NEURL1: variants seen among roughly 807,000 people sequenced by gnomAD.
The protein encoded by NEURL1 is neuralized E3 ubiquitin protein ligase 1.
In NEURL1, 26 loss-of-function variants were observed where a neutral mutation model predicts 41.2. That is an observed-to-expected ratio of 0.63 (90% CI 0.46 to 0.87). The LOEUF is 0.87. NEURL1 is among the 40% of genes least tolerant of loss of function. NEURL1 has a pLI of 0.00. For missense variants in NEURL1, 761 were observed against 871.1 expected (o/e 0.87, Z 1.59); for synonymous variants, 400 against 402.3 (o/e 0.99, Z 0.07).
At chr10:103,523,625 G>T (rs919328506) in intron 1 of NEURL1, among the ~76,000 whole-genome samples, 2 of 151,958 alleles carry the variant, frequency 1.3e-5, no homozygotes, top group African/African-American at 4.8e-5. Flanking sequence ...CCCTGCCTCT[G>T]GTTACTATTC....
chr10:103,583,521 G>A (rs2035827384), intron 3 of NEURL1, among the ~76,000 whole-genome samples: 1 of 151,668 alleles, frequency 6.6e-6, no homozygotes, highest in African/African-American at 2.4e-5. Flanking sequence ...TTGGAGACCA[G>A]ATGGGCAACA....
chr10:103,576,028 T>C (rs1006982362), intron 3 of NEURL1, among the ~76,000 whole-genome samples: 20 of 152,228 alleles, frequency 1.3e-4, no homozygotes, highest in Non-Finnish European at 1.5e-5. Flanking sequence ...TGCCTACCAC[T>C]GCCTAGGCAC....
Position 103,584,726 on chromosome 10 carries a change from G to T in NEURL1, c.840G>T (p.Ser280=). The T allele has an allele frequency of 6.8e-7, 1 of 1,466,350 alleles. No individual in the cohort carries two copies. Among genetic ancestry groups the T allele is most frequent in the South Asian group, 1.3e-5 (1 of 76,172 alleles). The allele number at this position is 1,466,350 out of a possible 1,614,324, so 90.8% of individuals were successfully genotyped here. A position where few individuals can be genotyped will look rare whatever the true frequency, so the allele number is the denominator to read the frequency against. The stretch of plus-strand genomic sequence containing the variant: ...CCATCCCGCAGAACTCACTCAACTC[G>T]CAGCACAGCCGCGCGCTGCCGGCGC... The part of the protein sequence containing the change: ...GCPIPQNSLN[S]QHSRALPAQL... Residue 280 remains serine, a synonymous_variant, in exon 4 of 6, where the codon TCG becomes TCT. Transcript: ENST00000369780.
At chr10:103,519,907 C>G (rs1304084574) in intron 1 of NEURL1, among the ~76,000 whole-genome samples, 1 of 151,838 alleles carries the variant, frequency 6.6e-6, no homozygotes, top group Non-Finnish European at 1.5e-5. Flanking sequence ...ACTTTAGCCT[C>G]TGAGTAGCCG....
chr10:103,534,917 G>C (rs1167495276), intron 1 of NEURL1, among the ~76,000 whole-genome samples: 1 of 152,156 alleles, frequency 6.6e-6, no homozygotes, highest in Admixed American at 6.5e-5. Context: ...CCCATAGGCT[G>C]GGTTGTACCT....
intron 4 of NEURL1, among the ~76,000 whole-genome samples, chr10:103,589,309 G>C (rs2035987799): frequency 6.6e-6 from 1 of 152,232 alleles, no homozygotes; most frequent in Admixed American, 6.5e-5. Flanking sequence ...GCTGGGTGCT[G>C]TCTGGGGTCA....
intron 1 of NEURL1, among the ~76,000 whole-genome samples, chr10:103,553,740 C>A (rs1023737375): frequency 1.6e-4 from 25 of 152,350 alleles, no homozygotes; most frequent in African/African-American, 6.0e-4. Flanking sequence ...CAGCCTCCAC[C>A]TTTCCCGTGG....
intron 3 of NEURL1, among the ~76,000 whole-genome samples, chr10:103,584,074 G>A (rs1185427426): frequency 6.6e-6 from 1 of 152,090 alleles, no homozygotes; most frequent in African/African-American, 2.4e-5. Context: ...TGTGTTTGCT[G>A]GGGGGTGGTT....
chr10:103,567,023 C>A (rs981048216), intron 1 of NEURL1, among the ~76,000 whole-genome samples: 1 of 150,730 alleles, frequency 6.6e-6, no homozygotes, highest in African/African-American at 2.4e-5. Flanking sequence ...TGCTCTGTTG[C>A]CCAGGCTGGA....
intron 1 of NEURL1, among the ~76,000 whole-genome samples, chr10:103,496,988 T>G (rs993288077): frequency 6.6e-5 from 10 of 152,144 alleles, no homozygotes; most frequent in Non-Finnish European, 1.5e-4. Context: ...CACACCACTG[T>G]AGGTGACCAT....
In NEURL1 at chr10:103,566,296, G is replaced by T. The variant is rs948047877; in HGVS notation, c.86-4576G>T. ...CTGTACAACGAGATGAGGTCTCACG[G>T]TGTTGTCCAGGCTAAGATATGGAAC... On this transcript the variant is annotated intron_variant, in intron 1 of 5. Transcript: ENST00000369780. This position sits in a 1 kb window ranked among gnomAD's most constrained non-coding sequence, Gnocchi z 4.2. Among the ~76,000 whole-genome samples the T allele has an allele frequency of 1.3e-5, 2 of 151,974 alleles. No homozygotes were observed. Among genetic ancestry groups the T allele is most frequent in the Non-Finnish European group, 2.9e-5 (2 of 68,006 alleles).
chr10:103,577,047 G>A (rs1427825158), intron 3 of NEURL1, among the ~76,000 whole-genome samples: 1 of 152,184 alleles, frequency 6.6e-6, no homozygotes. Context: ...GGCTGCTAGG[G>A]GCCAAGAGGC....
chr10:103,503,006 G>T (rs1467257189), intron 1 of NEURL1, among the ~76,000 whole-genome samples: 5 of 152,228 alleles, frequency 3.3e-5, no homozygotes, highest in African/African-American at 1.2e-4. Context: ...CCAGCATCAG[G>T]CTCGGTGGCA....
intron 1 of NEURL1, among the ~76,000 whole-genome samples, chr10:103,498,955 G>A (rs2033756451): frequency 6.6e-6 from 1 of 152,206 alleles, no homozygotes; most frequent in African/African-American, 2.4e-5. Flanking sequence ...ACTTTAGGAT[G>A]TTTCTACCTT....
intron 1 of NEURL1, among the ~76,000 whole-genome samples, chr10:103,564,703 G>A (rs1392607562): frequency 6.6e-6 from 1 of 152,184 alleles, no homozygotes; most frequent in Non-Finnish European, 1.5e-5. Context: ...CGTAGAATAG[G>A]GACCTTAAAG....
At chr10:103,583,660 A>G (rs952376337) in intron 3 of NEURL1, among the ~76,000 whole-genome samples, 2 of 129,616 alleles carry the variant, frequency 1.5e-5, no homozygotes, top group African/African-American at 2.9e-5. Context: ...AAGCTGAGAT[A>G]TCTCCACTGC....
chr10:103,558,332 G>A lies in NEURL1; in HGVS notation c.86-12540G>A, dbSNP rs992412578. 1.0e-4 allele frequency: 88 copies of A among 860,174 alleles called. No homozygotes were observed. The African/African-American group carries it at 1.4e-3, about 14-fold the overall frequency. The allele number at this position is 860,174 out of a possible 1,614,324, so 53.3% of individuals were successfully genotyped here. The stretch of plus-strand genomic sequence containing the variant: ...CTAATTGTGTGTTTTGTTTGTGGAC[G>A]TGTTTTGGCTCTCTGAGCTTCTGAT... On this transcript the variant is annotated intron_variant, in intron 1 of 5. Transcript: ENST00000369780. The surrounding 1 kb of genome is among the most constrained non-coding windows in gnomAD (Gnocchi z 4.2).
At position 103,580,062 on chromosome 10, in the gene NEURL1, G is replaced by A. The variant is rs559060009; in HGVS notation, c.650-4474G>A. 5.9e-5 allele frequency among the ~76,000 whole-genome samples: 9 copies of A among 152,260 alleles called. No individual in the cohort carries two copies. The East Asian group carries it at 1.7e-3, about 29-fold the overall frequency. On this transcript the variant is annotated intron_variant, in intron 3 of 5. Coordinates refer to ENST00000369780, the MANE Select transcript of NEURL1 (RefSeq NM_004210.5). Reference sequence around the variant, plus strand: ...TCCCTCTCCCAGACTCCCTGCCCAGGGCTGGGCACACAGTAGGTCAGTGAG... The same window carrying A: ...TCCCTCTCCCAGACTCCCTGCCCAGAGCTGGGCACACAGTAGGTCAGTGAG...
At chr10:103,549,693 C>G (rs1384484731) in intron 1 of NEURL1, among the ~76,000 whole-genome samples, 1 of 152,208 alleles carries the variant, frequency 6.6e-6, no homozygotes, top group Non-Finnish European at 1.5e-5. Flanking sequence ...TGCCTCCCAG[C>G]TCCTCCACAG....
Sources: allele counts gnomAD v4.1 joint callset (sites outside exome capture counted in the v4.1 genomes callset), GRCh38; gene constraint gnomAD v4.1.1; non-coding constraint Gnocchi (gnomAD v3.1); transcripts MANE v1.5; gene names NCBI Gene and HGNC (gene_info 2026-07-23, HGNC 2026-07-21).